The following AP2B1 variants were observed in gnomAD, a reference collection of about 807,000 sequenced individuals.
The protein encoded by AP2B1 is AP-2 complex subunit beta.
In AP2B1, 23 loss-of-function variants were observed where a neutral mutation model predicts 102.0. That is an observed-to-expected ratio of 0.23 (90% CI 0.16 to 0.32). The LOEUF is 0.32. Ranked by LOEUF, AP2B1 falls within the 10% of genes least tolerant of loss-of-function variation. The pLI is 1.00. For synonymous variants in AP2B1, 381 were observed against 421.2 expected, an observed-to-expected ratio of 0.90 and a Z score of 1.17; for missense variants, 541 against 1,157.4, an observed-to-expected ratio of 0.47 and a Z score of 7.73.
intron 12 of AP2B1, among the ~76,000 whole-genome samples, chr17:35,643,836 T>C (rs2074852579): frequency 6.6e-6 from 1 of 152,260 alleles, no homozygotes; most frequent in South Asian, 2.1e-4. Context: ...TTTTCTTCTT[T>C]ATGAAGCCCC....
chr17:35,637,009 T>TA (rs898303172), intron 10 of AP2B1, among the ~76,000 whole-genome samples: 85 of 151,916 alleles, frequency 5.6e-4, no homozygotes, highest in East Asian at 7.7e-4. Flanking sequence ...TACAGATATA[T>TA]AAAAAAAAAT....
chr17:35,714,456 A>C (rs1203965708), intron 20 of AP2B1, among the ~76,000 whole-genome samples: 1 of 152,180 alleles, frequency 6.6e-6, no homozygotes, highest in East Asian at 1.9e-4. Flanking sequence ...CTAAAGTAGA[A>C]AGATAAAAGA....
At position 35,593,948 on chromosome 17, in the gene AP2B1, AT is replaced by A. The variant is rs1172828929; in HGVS notation, c.-23-58del. On this transcript the variant is annotated intron_variant, in intron 1 of 21. Coordinates refer to ENST00000610402, the MANE Select transcript of AP2B1 (RefSeq NM_001030006.2). Reference sequence around the variant, plus strand: ...AATTAATTGGATGTTCTTAAAATTAATTGGATGCCTTGTTGGATATCTATAA... The same window carrying A: ...AATTAATTGGATGTTCTTAAAATTAATGGATGCCTTGTTGGATATCTATAA... 12 of 858,122 alleles carry A rather than the reference AT, an allele frequency of 1.4e-5. No homozygotes were observed. In the Admixed American group the frequency reaches 1.4e-4, roughly 10 times the overall value. 53.2% of individuals were successfully genotyped at this position (858,122 alleles called of 1,614,324 possible). A position where few individuals can be genotyped will look rare whatever the true frequency, so the allele number is the denominator to read the frequency against.
intron 13 of AP2B1, among the ~76,000 whole-genome samples, chr17:35,656,744 G>A (rs2142871404): frequency 6.6e-6 from 1 of 152,232 alleles, no homozygotes; most frequent in Middle Eastern, 3.4e-3. Context: ...AATTAGCCGG[G>A]CACGGTGGTG....
chr17:35,720,637 A>G (rs1403731112), intron 21 of AP2B1, among the ~76,000 whole-genome samples: 4 of 123,910 alleles, frequency 3.2e-5, no homozygotes. Flanking sequence ...TGTGCAGGCT[A>G]TCTCAAACTC....
chr17:35,685,565 G>T (rs1371794241), intron 18 of AP2B1, among the ~76,000 whole-genome samples: 1 of 152,150 alleles, frequency 6.6e-6, no homozygotes, highest in East Asian at 1.9e-4. Context: ...TTGAGGAAAT[G>T]AAATTTTGAA....
chr17:35,694,125 G>T (rs375849808), intron 18 of AP2B1, among the ~76,000 whole-genome samples: 2 of 152,154 alleles, frequency 1.3e-5, no homozygotes. Flanking sequence ...TTCTTTTATT[G>T]AATTTCTACT....
intron 5 of AP2B1, among the ~76,000 whole-genome samples, chr17:35,616,925 A>C (rs1438925164): frequency 6.6e-6 from 1 of 152,218 alleles, no homozygotes; most frequent in African/African-American, 2.4e-5. Flanking sequence ...TAGCATCCTC[A>C]TCTACAAAGT....
At chr17:35,692,448 T>G (rs1438498604) in intron 18 of AP2B1, among the ~76,000 whole-genome samples, 2 of 152,190 alleles carry the variant, frequency 1.3e-5, no homozygotes, top group Non-Finnish European at 2.9e-5. Context: ...GTCTTTAGAT[T>G]TAGCTTGTAG....
chr17:35,698,678 T>G (rs1319907167), intron 18 of AP2B1, among the ~76,000 whole-genome samples: 1 of 152,180 alleles, frequency 6.6e-6, no homozygotes, highest in African/African-American at 2.4e-5. Context: ...TCCACAAAGG[T>G]AGTCTTTCAT....
At chr17:35,716,100 A>G (rs2076546341) in intron 20 of AP2B1, among the ~76,000 whole-genome samples, 1 of 152,232 alleles carries the variant, frequency 6.6e-6, no homozygotes, top group Non-Finnish European at 1.5e-5. Context: ...CCCTTTGTTC[A>G]GAGAGCTTAC....
chr17:35,646,282 C>T (rs1301246319), intron 12 of AP2B1, among the ~76,000 whole-genome samples: 2 of 152,148 alleles, frequency 1.3e-5, no homozygotes, highest in South Asian at 2.1e-4. Flanking sequence ...TTATTTATCT[C>T]GGTCTTGACG....
intron 13 of AP2B1, among the ~76,000 whole-genome samples, chr17:35,654,830 C>T (rs920455480): frequency 6.6e-6 from 1 of 152,042 alleles, no homozygotes; most frequent in Admixed American, 6.6e-5. Context: ...TTTAAATTGA[C>T]ATCTAATTTA....
At chr17:35,653,326 CTT>C (rs2075135947) in intron 13 of AP2B1, among the ~76,000 whole-genome samples, 1 of 152,156 alleles carries the variant, frequency 6.6e-6, no homozygotes, top group African/African-American at 2.4e-5. Flanking sequence ...GGAGCCAACA[CTT>C]AATCCCCTGT....
chr17:35,676,861 C>T (rs9892037), intron 17 of AP2B1, among the ~76,000 whole-genome samples: 19,284 of 151,858 alleles, frequency 0.13, 1,275 homozygotes, highest in Middle Eastern at 0.16. Flanking sequence ...GAGAGAGGAT[C>T]GTCTTATTAT....
At position 35,588,336 on chromosome 17, in the gene AP2B1, C is replaced by T. The variant is rs139806142; in HGVS notation, c.-24+908C>T. On this transcript the variant is annotated intron_variant, in intron 1 of 21. Transcript: ENST00000610402. ...ATTTTTGTATTTTTAGTGACAGGGT[C>T]TTACTGTGTAGCCCAGTCTGGTCTC... Among the ~76,000 whole-genome samples the T allele has an allele frequency of 2.2e-4, 34 of 152,138 alleles. No individual in the cohort carries two copies. In the East Asian group the frequency reaches 6.2e-3, roughly 28 times the overall value.
chr17:35,626,876 T>G, intron 7 of AP2B1, 34 bp downstream of exon 7: 2 of 1,583,130 alleles, frequency 1.3e-6, no homozygotes, highest in Non-Finnish European at 1.7e-6. Context: ...TTAAAGTGTT[T>G]GTAATTTTGC....
intron 11 of AP2B1, among the ~76,000 whole-genome samples, chr17:35,641,275 T>C (rs544879228): frequency 1.6e-4 from 25 of 152,118 alleles, no homozygotes; most frequent in Non-Finnish European, 2.8e-4. Context: ...TGTTAACATA[T>C]ACTTTAAGAA....
chr17:35,696,600 G>A (rs975026498), intron 18 of AP2B1, among the ~76,000 whole-genome samples: 1 of 151,722 alleles, frequency 6.6e-6, no homozygotes, highest in Non-Finnish European at 1.5e-5. Context: ...TGTTGGCCAG[G>A]CTGGTCTCGA....
Sources: allele counts gnomAD v4.1 joint callset (sites outside exome capture counted in the v4.1 genomes callset), GRCh38; gene constraint gnomAD v4.1.1; transcripts MANE v1.5; gene names NCBI Gene and HGNC (gene_info 2026-07-23, HGNC 2026-07-21).